PDZD8: variants seen among roughly 807,000 people sequenced by gnomAD.
The protein encoded by PDZD8 is PDZ domain-containing protein 8.
PDZD8 carries 14 observed loss-of-function variants against 85.8 expected under a neutral mutation model. The observed-to-expected ratio is 0.16, with a 90% CI of 0.11 to 0.26. PDZD8 has a LOEUF of 0.26. Among genes scored for constraint, PDZD8 ranks in the 10% least tolerant of loss-of-function variants. The pLI is 1.00. For missense variants in PDZD8, 1,197 were observed against 1,424.3 expected (o/e 0.84, Z 2.57); for synonymous variants, 592 against 568.6 (o/e 1.04, Z -0.59).
chr10:117,339,654 A>G (rs1844577052), intron 2 of PDZD8, among the ~76,000 whole-genome samples: 1 of 152,252 alleles, frequency 6.6e-6, no homozygotes, highest in Non-Finnish European at 1.5e-5. Context: ...ACTGGCACAC[A>G]GCCACATTCA....
chr10:117,371,099 G>A (rs1224733062), intron 1 of PDZD8, among the ~76,000 whole-genome samples: 2 of 152,190 alleles, frequency 1.3e-5, no homozygotes, highest in Non-Finnish European at 2.9e-5. Context: ...CCTGTGAGAA[G>A]TATGCTATAT....
At chr10:117,301,360 T>G (rs1024654667) in intron 3 of PDZD8, among the ~76,000 whole-genome samples, 1 of 152,176 alleles carries the variant, frequency 6.6e-6, no homozygotes, top group African/African-American at 2.4e-5. Context: ...GCAATTGAAT[T>G]CTGAATATCA....
chr10:117,342,613 G>T (rs530220407), intron 1 of PDZD8, among the ~76,000 whole-genome samples: 1 of 152,304 alleles, frequency 6.6e-6, no homozygotes, highest in Non-Finnish European at 1.5e-5. Context: ...AAGTGGCTGG[G>T]ATTACAGGCA....
chr10:117,366,940 A>AT lies in PDZD8; in HGVS notation c.872+7415dup, dbSNP rs530063919. On this transcript the variant is annotated intron_variant, in intron 1 of 4. Transcript: ENST00000334464. ...ATGAATACTTAGCAAACAGTGTTTT[A>AT]TTAGCCCCACCCTGCTCATATGATA... Among the ~76,000 whole-genome samples the AT allele has an allele frequency of 8.5e-5, 13 of 152,318 alleles. No homozygotes were observed. In the East Asian group the frequency reaches 1.9e-3, roughly 23 times the overall value.
At chr10:117,290,519 T>C (rs1844740160) in intron 3 of PDZD8, among the ~76,000 whole-genome samples, 171 bp from the exon 4 acceptor site, 1 of 152,176 alleles carries the variant, frequency 6.6e-6, no homozygotes, top group African/African-American at 2.4e-5. Context: ...AAATTAACTA[T>C]CCTTAGGCTA....
At position 117,374,029 on chromosome 10, in the gene PDZD8, A is replaced by C. The variant is rs1450481719; in HGVS notation, c.872+327T>G. Reference sequence around the variant, plus strand: ...CAACCACATAGAGGGAGAGTTTCTCAACAGTCCCAGAAGCGACTCCTGGGG... The same window carrying C: ...CAACCACATAGAGGGAGAGTTTCTCCACAGTCCCAGAAGCGACTCCTGGGG... On this transcript the variant is annotated intron_variant, in intron 1 of 4. Coordinates refer to ENST00000334464, the MANE Select transcript of PDZD8 (RefSeq NM_173791.5). The surrounding 1 kb of genome is among the most constrained non-coding windows in gnomAD (Gnocchi z 7.8). Among the ~76,000 whole-genome samples, 1 of 152,192 alleles carries C rather than the reference A, an allele frequency of 6.6e-6. No homozygotes were observed. Among genetic ancestry groups the C allele is most frequent in the Non-Finnish European group, 1.5e-5 (1 of 68,034 alleles).
intron 4 of PDZD8, among the ~76,000 whole-genome samples, chr10:117,288,835 G>A (rs1232187479): frequency 6.6e-6 from 1 of 152,146 alleles, no homozygotes; most frequent in Non-Finnish European, 1.5e-5. Flanking sequence ...ACAAATGTTA[G>A]ATGTCAAGGG....
At chr10:117,308,447 G>C (rs1843981364) in intron 3 of PDZD8, among the ~76,000 whole-genome samples, 1 of 152,052 alleles carries the variant, frequency 6.6e-6, no homozygotes, top group Non-Finnish European at 1.5e-5. Flanking sequence ...TAAAACCATA[G>C]GAACAAAAGA....
rs573210037 is a variant in PDZD8, at chr10:117,282,236, T to C, written c.*1032A>G. ...AATACTCCTACATGAAAATGTTTTTTCTAAAACAAAACCAGCCCAAACTAG... is the reference window on the plus strand; with the variant it reads ...AATACTCCTACATGAAAATGTTTTTCCTAAAACAAAACCAGCCCAAACTAG... On this transcript the variant is annotated 3_prime_UTR_variant, in exon 5 of 5. Transcript: ENST00000334464. 2.0e-5 allele frequency: 3 copies of C among 152,340 alleles called. No individual in the cohort carries two copies. The highest frequency in any genetic ancestry group is 2.9e-5 in the Non-Finnish European group (2 of 68,032). 9.4% of individuals were successfully genotyped at this position (152,340 alleles called of 1,614,324 possible).
At chr10:117,357,149 T>C (rs1055531797) in intron 1 of PDZD8, among the ~76,000 whole-genome samples, 18 of 152,300 alleles carry the variant, frequency 1.2e-4, no homozygotes, top group Admixed American at 3.3e-4. Context: ...TCCCAGCACT[T>C]TGGAAGGCCA....
intron 1 of PDZD8, among the ~76,000 whole-genome samples, chr10:117,364,184 GT>G (rs1845046036): frequency 6.6e-5 from 3 of 45,492 alleles, no homozygotes; most frequent in Non-Finnish European, 1.3e-4. Flanking sequence ...ATTTATGGGT[GT>G]GTGTGTGTGT....
intron 4 of PDZD8, among the ~76,000 whole-genome samples, chr10:117,287,790 C>A (rs998513317): frequency 2.6e-5 from 4 of 152,182 alleles, no homozygotes; most frequent in Non-Finnish European, 5.9e-5. Context: ...AAGCATTTGC[C>A]CCTTTAGCCT....
intron 2 of PDZD8, among the ~76,000 whole-genome samples, chr10:117,334,711 G>A (rs924805617): frequency 1.3e-5 from 2 of 151,986 alleles, no homozygotes; most frequent in Admixed American, 6.6e-5. Flanking sequence ...AGAAATTCTA[G>A]AGCCAAAAAG....
chr10:117,375,283 C>G lies in PDZD8; in HGVS notation c.-56G>C. The G allele has an allele frequency of 2.2e-6, 3 of 1,390,150 alleles. No homozygotes were observed. Among genetic ancestry groups the G allele is most frequent in the Non-Finnish European group, 1.9e-6 (2 of 1,065,292 alleles). 86.1% of individuals were successfully genotyped at this position (1,390,150 alleles called of 1,614,324 possible). A position where few individuals can be genotyped will look rare whatever the true frequency, so the allele number is the denominator to read the frequency against. On this transcript the variant is annotated 5_prime_UTR_variant, in exon 1 of 5. The change abolishes the stop of an existing upstream ORF in the 5' untranslated region. Transcript: ENST00000334464. ...CCCGCGCCCACAGCGCCGCTTTCTT[C>G]ACGCCGCCGCCCCCGCTGCCTCCAT...
At chr10:117,324,652 A>G (rs1844285212) in intron 2 of PDZD8, among the ~76,000 whole-genome samples, 1 of 152,236 alleles carries the variant, frequency 6.6e-6, no homozygotes, top group African/African-American at 2.4e-5. Flanking sequence ...AAGAATTTAT[A>G]AAACTCTAAT....
chr10:117,369,056 A>G (rs1845141877), intron 1 of PDZD8, among the ~76,000 whole-genome samples: 1 of 151,468 alleles, frequency 6.6e-6, no homozygotes, highest in Admixed American at 6.6e-5. Context: ...CTGGTCTCGA[A>G]CTCCTGACCT....
At position 117,282,614 on chromosome 10, in the gene PDZD8, A is replaced by G. The variant is rs533441720; in HGVS notation, c.*654T>C. On this transcript the variant is annotated 3_prime_UTR_variant, in exon 5 of 5. Coordinates refer to ENST00000334464, the MANE Select transcript of PDZD8 (RefSeq NM_173791.5). ...CAAAAGCTTTAGAAAAAAATTTCAC[A>G]GAAGCATCGAAAGCAAGCAATATAT... 1 of 152,326 alleles carries G rather than the reference A, an allele frequency of 6.6e-6. No homozygotes were observed. Among genetic ancestry groups the G allele is most frequent in the East Asian group, 1.9e-4 (1 of 5,194 alleles). The allele number at this position is 152,326 out of a possible 1,614,324, so 9.4% of individuals were successfully genotyped here.
At chr10:117,295,698 A>G (rs1843744488) in intron 3 of PDZD8, among the ~76,000 whole-genome samples, 2 of 152,192 alleles carry the variant, frequency 1.3e-5, no homozygotes, top group African/African-American at 4.8e-5. Flanking sequence ...AATAATCATA[A>G]CCAAGTGAAT....
At chr10:117,297,575 C>T (rs769065433) in intron 3 of PDZD8, among the ~76,000 whole-genome samples, 12 of 152,160 alleles carry the variant, frequency 7.9e-5, no homozygotes, top group Non-Finnish European at 1.8e-4. Flanking sequence ...TTTGACTTTA[C>T]GATGTGGGAA....
Sources: gnomAD v4.1 joint callset for allele counts (sites outside exome capture counted in the v4.1 genomes callset) on GRCh38, gnomAD v4.1.1 for gene constraint, Gnocchi (gnomAD v3.1) non-coding constraint, MANE v1.5 for transcripts, NCBI Gene and HGNC (gene_info 2026-07-23, HGNC 2026-07-21) for gene names.